The following ARID3C variants were observed in gnomAD, a reference collection of about 807,000 sequenced individuals.
ARID3C encodes the protein AT-rich interaction domain 3C, also known as AT-rich interactive domain-containing protein 3C.
In ARID3C, 42 loss-of-function variants were observed where a neutral mutation model predicts 37.9. The observed-to-expected ratio is 1.11, with a 90% CI of 0.87 to 1.43. The LOEUF (loss-of-function observed/expected upper bound fraction) is 1.43. Among genes scored for constraint, ARID3C ranks in the 40% most tolerant of loss-of-function variants. The probability of loss-of-function intolerance (pLI) is 0.00; values close to 1 mark genes in which losing one functional copy is unlikely to be tolerated. For missense variants in ARID3C, 581 were observed against 548.8 expected, an observed-to-expected ratio of 1.06 and a Z score of -0.59; for synonymous variants, 213 against 228.0, an observed-to-expected ratio of 0.93 and a Z score of 0.59.
At chr9:34,624,167 G>A (rs1820623473) in intron 2 of ARID3C, 120 bp from the exon 4 acceptor site, 4 of 1,214,390 alleles carry the variant, frequency 3.3e-6, no homozygotes, top group South Asian at 3.1e-5. Flanking sequence ...CTTGGGCGGA[G>A]CCCACAGAAC....
exon 3 of ARID3C, chr9:34,623,999 A>C: frequency 6.2e-7 from 1 of 1,602,142 alleles, no homozygotes; most frequent in South Asian, 1.1e-5. Flanking sequence ...CAGAGCGTAC[A>C]GGTCGAGCAC....
intron 2 of ARID3C, 110 bp from the exon 4 acceptor site, chr9:34,624,157 C>G: frequency 2.2e-6 from 3 of 1,344,418 alleles, no homozygotes; most frequent in Non-Finnish European, 3.0e-6. Flanking sequence ...AAGAGGGAGA[C>G]TTGGGCGGAG....
intron 4 of ARID3C, 123 bp from the exon 6 acceptor site, chr9:34,622,652 G>C (rs1282229409): frequency 9.9e-7 from 1 of 1,014,650 alleles, no homozygotes; most frequent in Non-Finnish European, 1.4e-6. Flanking sequence ...TCCTTCATTC[G>C]ATCTATCTTC....
chr9:34,621,241 A>G (rs3808870), downstream of ARID3C: 22,055 of 450,088 alleles, frequency 0.049, 673 homozygotes, highest in South Asian at 0.07. Context: ...ACCCTTTGGT[A>G]GGTGCTGCTG....
At chr9:34,626,850 A>T (rs1468147246) in intron 1 of ARID3C, among the ~76,000 whole-genome samples, 2 of 152,144 alleles carry the variant, frequency 1.3e-5, no homozygotes, top group African/African-American at 4.8e-5. Context: ...CCAGAGTACT[A>T]GTCACAGATC....
intron 4 of ARID3C, among the ~76,000 whole-genome samples, chr9:34,623,087 C>G (rs556801067): frequency 3.4e-4 from 50 of 145,138 alleles, no homozygotes; most frequent in Non-Finnish European, 6.7e-4. Context: ...CGGAGGTTGC[C>G]GTGAGCTGAG....
At chr9:34,625,933 G>A in intron 1 of ARID3C, 119 bp from the exon 3 acceptor site, 1 of 1,140,546 alleles carries the variant, frequency 8.8e-7, no homozygotes, top group Non-Finnish European at 1.3e-6. Flanking sequence ...GGATCTCAAT[G>A]TGGACTCCCT....
exon 1 of ARID3C, chr9:34,627,896 G>C (rs781470039): frequency 7.0e-6 from 11 of 1,564,074 alleles, no homozygotes; most frequent in East Asian, 2.4e-5. Flanking sequence ...CCCCTCAGGG[G>C]CCTGTAGGGT....
At chr9:34,627,943 C>T (rs13283357) in exon 1 of ARID3C, 513,762 of 1,551,502 alleles carry the variant, frequency 0.33, 91,190 homozygotes, top group Middle Eastern at 0.39. Context: ...GTGGCAGCAG[C>T]GGGCATGCAG....
chr9:34,623,558 G>A (rs904360277), exon 4 of ARID3C: 2 of 1,600,766 alleles, frequency 1.2e-6, no homozygotes, highest in Non-Finnish European at 1.7e-6. Flanking sequence ...GGTCCTGAGC[G>A]CCCCGAGGGG....
At chr9:34,626,646 A>G (rs572151355) in intron 1 of ARID3C, among the ~76,000 whole-genome samples, 71 of 152,282 alleles carry the variant, frequency 4.7e-4, no homozygotes, top group Middle Eastern at 3.4e-3. Context: ...AGAGTATAAA[A>G]CAAACAAAAT....
At chr9:34,625,755 G>T in exon 2 of ARID3C, 1 of 1,613,952 alleles carries the variant, frequency 6.2e-7, no homozygotes, top group Non-Finnish European at 8.5e-7. Context: ...TCTTTTGCAT[G>T]AAGCTAAACA....
At chr9:34,628,273 G>A (rs914750572), upstream of ARID3C, among the ~76,000 whole-genome samples, 1 of 152,232 alleles carries the variant, frequency 6.6e-6, no homozygotes, top group African/African-American at 2.4e-5. This position sits in a 1 kb window ranked among gnomAD's most constrained non-coding sequence, Gnocchi z 5.2. Context: ...CTGAGGACTG[G>A]AAGAGTGAGC....
upstream of ARID3C, among the ~76,000 whole-genome samples, chr9:34,630,520 C>T (rs921462841): frequency 6.6e-6 from 1 of 152,118 alleles, no homozygotes; most frequent in Non-Finnish European, 1.5e-5. Context: ...TGACCTCACA[C>T]CCCCAGAAGG....
chr9:34,623,783 C>A lies in ARID3C; in HGVS notation c.576-69G>T, dbSNP rs968085346. 4.0e-6 allele frequency: 6 copies of A among 1,500,218 alleles called. No homozygotes were observed. The African/African-American group carries it at 5.5e-5, about 14-fold the overall frequency. The allele number at this position is 1,500,218 out of a possible 1,614,324, so 92.9% of individuals were successfully genotyped here. On this transcript the variant is annotated intron_variant, in intron 3 of 6. Transcript: ENST00000378909. ...CAGCTGGTCAAGTCCCACAGCCGGA[C>A]GCCCGCCCGGGGACCCTCCCCCCTC...
At chr9:34,631,669 G>A (rs986566368), upstream of ARID3C, among the ~76,000 whole-genome samples, 3 of 151,800 alleles carry the variant, frequency 2.0e-5, no homozygotes, top group East Asian at 5.8e-4. Context: ...GAACATAAAA[G>A]GGGGCATTAG....
At chr9:34,625,419 T>C (rs954065242) in intron 2 of ARID3C, among the ~76,000 whole-genome samples, 8 of 152,290 alleles carry the variant, frequency 5.3e-5, no homozygotes, top group African/African-American at 1.7e-4. Context: ...AGGGAAGACA[T>C]GGCTGGAGGA....
chr9:34,622,365 C>T, exon 5 of ARID3C: 1 of 1,610,322 alleles, frequency 6.2e-7, no homozygotes. Context: ...GGAACCTTGC[C>T]ACGGGGCAGG....
rs780983211 is a variant in ARID3C, at chr9:34,622,496, A to G, written c.899T>C (p.Leu300Pro). 2 of 1,611,472 alleles carry G rather than the reference A, an allele frequency of 1.2e-6. No homozygotes were observed. The highest frequency in any genetic ancestry group is 1.7e-6 in the Non-Finnish European group (2 of 1,179,026). ...AGGTCCCAGTGCCAGGCCCACAGGC[A>G]GTGCCAGACAAGGGTTTGGAATTCC... The change falls in exon 5 of 7, where the codon CTG becomes CCG. Residue 300 changes from leucine (L) to proline (P), a missense_variant. Leu to Pro is a moderately conservative substitution (Grantham distance 98, BLOSUM62 -3). Transcript: ENST00000378909.
Sources: allele counts gnomAD v4.1 joint callset (sites outside exome capture counted in the v4.1 genomes callset), GRCh38; gene constraint gnomAD v4.1.1; non-coding constraint Gnocchi (gnomAD v3.1); transcripts MANE v1.5; gene names NCBI Gene and HGNC (gene_info 2026-07-23, HGNC 2026-07-21).